The following PTPRO variants were observed in gnomAD, a reference collection of about 807,000 sequenced individuals.
The protein encoded by PTPRO is protein tyrosine phosphatase receptor type O.
Under a neutral mutation model 145.2 loss-of-function variants are expected in PTPRO, and 62 were observed. That is an observed-to-expected ratio of 0.43 (90% CI 0.35 to 0.53). The LOEUF (loss-of-function observed/expected upper bound fraction) is 0.53, where lower values mean the gene tolerates loss of function less well. Among genes scored for constraint, PTPRO ranks in the 20% least tolerant of loss-of-function variants. The probability of loss-of-function intolerance (pLI) is 0.01; values close to 1 mark genes in which losing one functional copy is unlikely to be tolerated. For missense variants in PTPRO, 1,345 were observed against 1,482.7 expected (o/e 0.91, Z 1.53); for synonymous variants, 565 against 514.7 (o/e 1.10, Z -1.32).
At chr12:15,353,146 T>C (rs954676278) in intron 1 of PTPRO, among the ~76,000 whole-genome samples, 2 of 152,148 alleles carry the variant, frequency 1.3e-5, no homozygotes, top group African/African-American at 4.8e-5. Flanking sequence ...CAGGTTACAA[T>C]ATCCATTAGA....
At chr12:15,537,567 G>A (rs1411244126) in intron 12 of PTPRO, among the ~76,000 whole-genome samples, 1 of 152,134 alleles carries the variant, frequency 6.6e-6, no homozygotes, top group Non-Finnish European at 1.5e-5. Flanking sequence ...AGTCACTGGT[G>A]ATTTTGAGAA....
chr12:15,475,046 A>T (rs1941624067), intron 1 of PTPRO, among the ~76,000 whole-genome samples: 1 of 152,198 alleles, frequency 6.6e-6, no homozygotes, highest in African/African-American at 2.4e-5. Flanking sequence ...TCATCCCCAA[A>T]GCTGTCGTTA....
intron 25 of PTPRO, among the ~76,000 whole-genome samples, chr12:15,593,369 A>T (rs1266630261): frequency 6.6e-6 from 1 of 152,222 alleles, no homozygotes; most frequent in Non-Finnish European, 1.5e-5. Flanking sequence ...ACTTATAGAG[A>T]AACTCTGGGA....
At chr12:15,448,482 T>G (rs959666953) in intron 1 of PTPRO, among the ~76,000 whole-genome samples, 1 of 151,664 alleles carries the variant, frequency 6.6e-6, no homozygotes, top group African/African-American at 2.4e-5. Context: ...CATAATCACC[T>G]CATACCTGTG....
At chr12:15,325,280 T>G (rs896418762) in intron 1 of PTPRO, among the ~76,000 whole-genome samples, 4 of 152,182 alleles carry the variant, frequency 2.6e-5, no homozygotes, top group African/African-American at 9.7e-5. Flanking sequence ...CAGCTGGATA[T>G]CAGTGGTGGA....
intron 1 of PTPRO, among the ~76,000 whole-genome samples, chr12:15,345,891 G>C (rs182822541): frequency 6.6e-6 from 1 of 152,070 alleles, no homozygotes; most frequent in East Asian, 1.9e-4. Context: ...CTAGCTTACA[G>C]ATCAAATCTG....
At chr12:15,358,326 A>G (rs914534063) in intron 1 of PTPRO, among the ~76,000 whole-genome samples, 1 of 151,610 alleles carries the variant, frequency 6.6e-6, no homozygotes, top group South Asian at 2.1e-4. Context: ...TGGCACATGT[A>G]TACATATGTA....
At chr12:15,344,889 C>T (rs1867143233) in intron 1 of PTPRO, among the ~76,000 whole-genome samples, 1 of 152,156 alleles carries the variant, frequency 6.6e-6, no homozygotes, top group Admixed American at 6.5e-5. Context: ...TCATCGTCAC[C>T]CACTTCATTT....
intron 1 of PTPRO, among the ~76,000 whole-genome samples, chr12:15,460,094 C>G (rs1430730523): frequency 6.6e-6 from 1 of 152,176 alleles, no homozygotes; most frequent in Non-Finnish European, 1.5e-5. Context: ...TATTTTCATG[C>G]TGAAAATACT....
intron 1 of PTPRO, among the ~76,000 whole-genome samples, chr12:15,457,419 T>A (rs1419410029): frequency 6.6e-6 from 1 of 152,222 alleles, no homozygotes; most frequent in Non-Finnish European, 1.5e-5. Flanking sequence ...TAACTGGAAC[T>A]TGAGGTTTTT....
intron 1 of PTPRO, among the ~76,000 whole-genome samples, chr12:15,402,768 A>T (rs1051821409): frequency 2.0e-5 from 3 of 152,174 alleles, no homozygotes; most frequent in African/African-American, 7.2e-5. Context: ...CTAACTATTT[A>T]ATATAGTAGA....
intron 1 of PTPRO, among the ~76,000 whole-genome samples, chr12:15,450,228 A>G (rs1941010130): frequency 6.6e-6 from 1 of 151,880 alleles, no homozygotes; most frequent in African/African-American, 2.4e-5. Context: ...CAAAAGCAAT[A>G]TTCCTGCCAA....
At position 15,549,216 on chromosome 12, in the gene PTPRO, C is replaced by G. The variant is rs763011798; in HGVS notation, c.2427C>G (p.Val809=). The G allele has an allele frequency of 4.4e-6, 7 of 1,606,792 alleles. No homozygotes were observed. In the East Asian group the frequency reaches 1.3e-4, roughly 31 times the overall value. The change falls in exon 14 of 27, where the codon GTC becomes GTG. Residue 809 remains valine, a synonymous_variant. Coordinates refer to ENST00000281171, the MANE Select transcript of PTPRO (RefSeq NM_030667.3). The part of the protein sequence containing the change: ...DSPSVPTFIA[V]STMVTEMNPN... Reference sequence around the variant, plus strand: ...CCAGTGTCCCTACGTTCATAGCCGTCTCAACAATGGGTAATTATACACATT... The same window carrying G: ...CCAGTGTCCCTACGTTCATAGCCGTGTCAACAATGGGTAATTATACACATT...
intron 18 of PTPRO, among the ~76,000 whole-genome samples, chr12:15,566,959 C>G (rs1400632202): frequency 3.3e-5 from 5 of 152,112 alleles, no homozygotes; most frequent in African/African-American, 1.2e-4. Flanking sequence ...ACTTTGTTAC[C>G]AAAAACTGTT....
intron 13 of PTPRO, 46 bp downstream of exon 13, chr12:15,546,754 G>A (rs769558010): frequency 6.2e-7 from 1 of 1,607,518 alleles, no homozygotes; most frequent in Admixed American, 1.7e-5. Context: ...CTTAAGTAAG[G>A]CTAATTATCT....
intron 12 of PTPRO, among the ~76,000 whole-genome samples, chr12:15,543,943 A>G (rs1195639454): frequency 1.3e-5 from 2 of 152,220 alleles, no homozygotes; most frequent in African/African-American, 4.8e-5. Flanking sequence ...TCTGTGTGTC[A>G]GGAATGGTGG....
chr12:15,357,642 C>T (rs956046067), intron 1 of PTPRO, among the ~76,000 whole-genome samples: 1 of 151,458 alleles, frequency 6.6e-6, no homozygotes, highest in Non-Finnish European at 1.5e-5. Context: ...AAAATGCTCA[C>T]CATCACTGGC....
chr12:15,549,637 AG>A lies in PTPRO; in HGVS notation c.2437+412del, dbSNP rs1302542662. Among the ~76,000 whole-genome samples, 13 of 152,328 alleles carry A rather than the reference AG, an allele frequency of 8.5e-5. No individual in the cohort carries two copies. The East Asian group carries it at 2.5e-3, about 29-fold the overall frequency. On this transcript the variant is annotated intron_variant, in intron 14 of 26. Transcript: ENST00000281171. Reference sequence around the variant, plus strand: ...ATGACATAATTGATAACTGGGTCAAAGCAAGAAAGTTTCCAATCCAGCCAAA... The same window carrying A: ...ATGACATAATTGATAACTGGGTCAAACAAGAAAGTTTCCAATCCAGCCAAA...
At chr12:15,564,172 A>C (rs1003896082) in intron 17 of PTPRO, among the ~76,000 whole-genome samples, 6 of 152,208 alleles carry the variant, frequency 3.9e-5, no homozygotes, top group African/African-American at 1.4e-4. Context: ...ATAGAACAAG[A>C]ACCATTGAAT....
Sources: allele counts gnomAD v4.1 joint callset (sites outside exome capture counted in the v4.1 genomes callset), GRCh38; gene constraint gnomAD v4.1.1; transcripts MANE v1.5; gene names NCBI Gene and HGNC (gene_info 2026-07-23, HGNC 2026-07-21).